The following JAKMIP3 variants were observed in gnomAD, a reference collection of about 807,000 sequenced individuals.
The protein encoded by JAKMIP3 is janus kinase and microtubule-interacting protein 3.
Under a neutral mutation model 118.5 loss-of-function variants are expected in JAKMIP3, and 58 were observed. The ratio of observed to expected loss-of-function variants is 0.49; its 90% confidence interval spans 0.40 to 0.61. The LOEUF (loss-of-function observed/expected upper bound fraction) is 0.61, where lower values mean the gene tolerates loss of function less well. JAKMIP3 is among the 20% of genes least tolerant of loss of function. The probability of loss-of-function intolerance (pLI) is 0.00; values close to 1 mark genes in which losing one functional copy is unlikely to be tolerated. For synonymous variants in JAKMIP3, 486 were observed against 451.2 expected (o/e 1.08, Z -0.98); for missense variants, 950 against 1,109.0 (o/e 0.86, Z 2.04).
At chr10:132,163,118 A>G in intron 19 of JAKMIP3, 91 bp from the exon 20 acceptor site, 3 of 1,247,880 alleles carry the variant, frequency 2.4e-6, no homozygotes, top group Non-Finnish European at 3.3e-6. Context: ...CCCTGCTCCC[A>G]GGCGGAGGGT....
At chr10:132,039,420 A>G (rs2037644112) in intron 1 of JAKMIP3, among the ~76,000 whole-genome samples, 1 of 133,576 alleles carries the variant, frequency 7.5e-6, no homozygotes, top group Non-Finnish European at 1.5e-5. Context: ...ACCCCCAAGC[A>G]GAACAGTCTC....
intron 3 of JAKMIP3, among the ~76,000 whole-genome samples, chr10:132,126,398 G>C (rs1483965591): frequency 6.6e-6 from 1 of 151,934 alleles, no homozygotes; most frequent in Non-Finnish European, 1.5e-5. Context: ...GACCTCCCAG[G>C]CTCAAGTGAT....
At position 132,135,025 on chromosome 10, in the gene JAKMIP3, T is replaced by C. The variant is rs1005148871; in HGVS notation, c.850-16T>C. 4 of 1,611,666 alleles carry C rather than the reference T, an allele frequency of 2.5e-6. No individual in the cohort carries two copies. The highest frequency in any genetic ancestry group is 2.2e-5 in the East Asian group (1 of 44,802). On this transcript the variant is annotated splice_polypyrimidine_tract_variant and intron_variant, in intron 4 of 23. Coordinates refer to ENST00000684848, the MANE Select transcript of JAKMIP3 (RefSeq NM_001323087.2). ...TGTGGGTAGGAACCGTTATTTGCAG[T>C]TGATTTTTGTTTTAGGAACAGCAGT...
Position 132,137,284 on chromosome 10 carries a change from G to A in JAKMIP3, c.1279G>A (p.Val427Met), listed in dbSNP as rs1431051199. The change falls in exon 8 of 24, where the codon GTG becomes ATG. Residue 427 changes from valine to methionine, a missense_variant. By Grantham distance (21) the Val-to-Met change is conservative (BLOSUM62 1). Transcript: ENST00000684848. ...TGAGACCGCCGGCTACGTGAAGAGC[G>A]TGTTAGTAAGTATGGTCAGCGCCCG... Reference protein sequence around the residue: ...TLETAGYVKSVLERDKLLRFR... With the variant: ...TLETAGYVKSMLERDKLLRFR... 1.2e-5 allele frequency: 20 copies of A among 1,613,840 alleles called. No individual in the cohort carries two copies. Among genetic ancestry groups the A allele is most frequent in the South Asian group, 3.3e-5 (3 of 91,086 alleles).
chr10:132,145,474 G>T (rs1272878160), intron 12 of JAKMIP3, 44 bp from the exon 13 acceptor site: 1 of 1,512,430 alleles, frequency 6.6e-7, no homozygotes, highest in South Asian at 1.2e-5. Context: ...TGGTTTATGA[G>T]TTCCTCCCTC....
intron 1 of JAKMIP3, among the ~76,000 whole-genome samples, chr10:132,101,685 C>T (rs1443498855): frequency 4.0e-5 from 6 of 151,828 alleles, no homozygotes; most frequent in East Asian, 3.9e-4. Context: ...CAGTGGTGGC[C>T]CGGGGCTCGG....
intron 1 of JAKMIP3, among the ~76,000 whole-genome samples, chr10:132,067,294 C>T (rs2038942969): frequency 6.6e-6 from 1 of 152,038 alleles, no homozygotes; most frequent in Non-Finnish European, 1.5e-5. Flanking sequence ...AGGGCATTGG[C>T]ATTCCTGCTA....
intron 11 of JAKMIP3, among the ~76,000 whole-genome samples, chr10:132,142,941 G>A (rs78870304): frequency 0.012 from 1,811 of 152,206 alleles, 34 homozygotes; most frequent in African/African-American, 0.041. Context: ...CTCTTGGGGC[G>A]AGGGGAGAGT....
chr10:132,127,132 T>C (rs1306647734), intron 3 of JAKMIP3, among the ~76,000 whole-genome samples: 1 of 152,138 alleles, frequency 6.6e-6, no homozygotes, highest in Non-Finnish European at 1.5e-5. Flanking sequence ...TCAGATTTTA[T>C]GTTTATTTTT....
intron 1 of JAKMIP3, among the ~76,000 whole-genome samples, chr10:132,078,646 G>T (rs1294845626): frequency 1.3e-5 from 2 of 151,256 alleles, no homozygotes; most frequent in African/African-American, 4.9e-5. Context: ...CCCGTTTCTG[G>T]CCATGTGCTC....
Position 132,159,646 on chromosome 10 carries a change from G to GT in JAKMIP3, c.2221-3563_2221-3562insT, listed in dbSNP as rs376240235. On this transcript the variant is annotated intron_variant, in intron 19 of 23. Transcript: ENST00000684848. ...TCCTCTTCCTTTGTGATGCTGGGGG[G>GT]CCTCTCCCTGTGTGATGCTGGGGGG... Among the ~76,000 whole-genome samples, 293 of 59,244 alleles carry GT rather than the reference G, an allele frequency of 4.9e-3. 3 individuals carry two copies. The highest frequency in any genetic ancestry group is 7.6e-3 in the Non-Finnish European group (207 of 27,090). The allele number at this position is 59,244 out of a possible 152,430, so 38.9% of individuals were successfully genotyped here.
At position 132,135,060 on chromosome 10, in the gene JAKMIP3, A is replaced by G; in HGVS notation, c.869A>G (p.Lys290Arg). 6.2e-7 allele frequency: 1 copy of G among 1,613,594 alleles called. No individual in the cohort carries two copies. The highest frequency in any genetic ancestry group is 2.2e-5 in the East Asian group (1 of 44,870). ...SGSPEQQLDE[K>R]DARRFQLKIA... ...TTTTAGGAACAGCAGTTGGATGAAA[A>G]AGATGCCCGGCGCTTCCAGCTTAAA... The change falls in exon 5 of 24, where the codon AAA (lysine) becomes AGA (arginine). Residue 290 changes from lysine (K) to arginine (R), a missense_variant. Physicochemically the swap from Lys to Arg is conservative, Grantham distance 26. Transcript: ENST00000684848.
At chr10:132,106,681 C>T (rs1589825967) in intron 2 of JAKMIP3, among the ~76,000 whole-genome samples, 1 of 152,354 alleles carries the variant, frequency 6.6e-6, no homozygotes, top group East Asian at 1.9e-4. Context: ...GAGGCCCCGA[C>T]TCGCTGCAGG....
At chr10:132,092,595 C>A (rs535812766) in intron 1 of JAKMIP3, among the ~76,000 whole-genome samples, 5 of 152,162 alleles carry the variant, frequency 3.3e-5, no homozygotes, top group Admixed American at 3.3e-4. Flanking sequence ...ACGTAGTTCT[C>A]GTGCCATGTT....
At chr10:132,178,354 G>A (rs1429987842) in intron 23 of JAKMIP3, among the ~76,000 whole-genome samples, 1 of 152,248 alleles carries the variant, frequency 6.6e-6, no homozygotes, top group Non-Finnish European at 1.5e-5. Context: ...GAAGGGGGTA[G>A]AGGAGGAAGA....
chr10:132,059,873 A>G (rs868741347), upstream of JAKMIP3, among the ~76,000 whole-genome samples: 50 of 152,298 alleles, frequency 3.3e-4, no homozygotes, highest in Middle Eastern at 0.01. Context: ...AGAGAGAAAG[A>G]GGGAGGGAGG....
intron 14 of JAKMIP3, 70 bp downstream of exon 14, chr10:132,148,120 C>A: frequency 2.2e-6 from 2 of 903,572 alleles, no homozygotes; most frequent in Admixed American, 2.4e-5. Flanking sequence ...CCTTCCTAAC[C>A]CACACAAAGC....
chr10:132,142,064 A>T lies in JAKMIP3; in HGVS notation c.1602+16A>T. ...AGAAGTTAAGGTCTACGTGACTTCC[A>T]CCGCGCGTTCCGGCCCCCCTCGTGC... On this transcript the variant is annotated intron_variant, in intron 11 of 23. Transcript: ENST00000684848. The T allele has an allele frequency of 7.0e-7, 1 of 1,436,498 alleles. No individual in the cohort carries two copies. The highest frequency in any genetic ancestry group is 9.2e-7 in the Non-Finnish European group (1 of 1,088,752). The allele number at this position is 1,436,498 out of a possible 1,614,324, so 89.0% of individuals were successfully genotyped here.
intron 4 of JAKMIP3, 84 bp from the exon 5 acceptor site, chr10:132,134,951 GCGTTTT>G (rs1364504170): frequency 1.3e-6 from 2 of 1,496,442 alleles, no homozygotes. Flanking sequence ...TCCCACGGCA[GCGTTTT>G]TGTTCCCGTA....
Sources: gnomAD v4.1 joint callset for allele counts (sites outside exome capture counted in the v4.1 genomes callset) on GRCh38, gnomAD v4.1.1 for gene constraint, MANE v1.5 for transcripts, NCBI Gene and HGNC (gene_info 2026-07-23, HGNC 2026-07-21) for gene names.